Variants in INA observed in about 807,000 individuals in gnomAD.
INA encodes the protein internexin neuronal intermediate filament protein alpha.
In INA, 35 loss-of-function variants were observed where a neutral mutation model predicts 40.1. The observed-to-expected ratio is 0.87, with a 90% CI of 0.67 to 1.16. INA has a LOEUF of 1.16. Ranked by LOEUF, INA falls within the 50% of genes most tolerant of loss-of-function variation. The probability of loss-of-function intolerance (pLI) is 0.00; values close to 1 mark genes in which losing one functional copy is unlikely to be tolerated. For synonymous variants in INA, 290 were observed against 316.9 expected (o/e 0.92, Z 0.90); for missense variants, 594 against 686.7 (o/e 0.87, Z 1.51).
intron 1 of INA, among the ~76,000 whole-genome samples, chr10:103,282,406 CT>C (rs1415449539): frequency 6.6e-6 from 1 of 152,126 alleles, no homozygotes. Flanking sequence ...TTTCAAAATG[CT>C]TTTTTATTTG....
intron 2 of INA, 74 bp downstream of exon 2, chr10:103,287,233 G>A: frequency 6.6e-7 from 1 of 1,509,404 alleles, no homozygotes; most frequent in East Asian, 2.3e-5. Context: ...AGTGGATCTA[G>A]TCTCTCTGGC....
Position 103,278,332 on chromosome 10 carries a change from C to T in INA, c.1065+56C>T. On this transcript the variant is annotated intron_variant, in intron 1 of 2. Transcript: ENST00000369849. This position sits in a 1 kb window ranked among gnomAD's most constrained non-coding sequence, Gnocchi z 4.9. ...TGCCCTGCCCTCTTCCGCGCGTACC[C>T]TCTTCCTCTGGTAAAACTGGGCCCC... 1 of 1,355,084 alleles carries T rather than the reference C, an allele frequency of 7.4e-7. No homozygotes were observed. Among genetic ancestry groups the T allele is most frequent in the Non-Finnish European group, 9.9e-7 (1 of 1,006,360 alleles). 83.9% of individuals were successfully genotyped at this position (1,355,084 alleles called of 1,614,324 possible).
At position 103,277,432 on chromosome 10, in the gene INA, G is replaced by A. The variant is rs1250208191; in HGVS notation, c.221G>A (p.Gly74Glu). The change falls in exon 1 of 3, where the codon GGG becomes GAG. Residue 74 changes from glycine to glutamate, a missense_variant. By Grantham distance (98) the Gly-to-Glu change is moderately conservative. Coordinates refer to ENST00000369849, the MANE Select transcript of INA (RefSeq NM_032727.4). This position sits in a 1 kb window ranked among gnomAD's most constrained non-coding sequence, Gnocchi z 5.6. Reference protein sequence around the residue: ...LAYRRPPASDGLDLSQAAART... With the variant: ...LAYRRPPASDELDLSQAAART... The stretch of plus-strand genomic sequence containing the variant: ...TATCGCCGGCCGCCGGCGTCCGACG[G>A]GCTGGACCTGAGCCAGGCGGCGGCG... 5 of 1,570,372 alleles carry A rather than the reference G, an allele frequency of 3.2e-6. No individual in the cohort carries two copies. Among genetic ancestry groups the A allele is most frequent in the Admixed American group, 1.8e-5 (1 of 55,744 alleles).
intron 1 of INA, chr10:103,280,412 T>C (rs2093070147): frequency 1.0e-6 from 1 of 985,342 alleles, no homozygotes; most frequent in African/African-American, 1.7e-5. Flanking sequence ...ATCTTAGCAG[T>C]GCTGACCAAG....
At position 103,278,111 on chromosome 10, in the gene INA, C is replaced by T. The variant is rs964523911; in HGVS notation, c.900C>T (p.Arg300=). The T allele has an allele frequency of 1.9e-5, 31 of 1,613,098 alleles. No homozygotes were observed. Among genetic ancestry groups the T allele is most frequent in the Admixed American group, 1.2e-4 (7 of 60,004 alleles). ...KFANLNEQAA[R]STEAIRASRE... ...CCAACCTGAACGAGCAGGCGGCGCG[C>T]AGCACCGAGGCCATCCGGGCCAGCC... The change falls in exon 1 of 3, where the codon CGC becomes CGT. Residue 300 remains arginine (R), a synonymous_variant. Transcript: ENST00000369849. This position sits in a 1 kb window ranked among gnomAD's most constrained non-coding sequence, Gnocchi z 4.9.
Position 103,289,927 on chromosome 10 carries a change from T to G in INA, c.*1258T>G, listed in dbSNP as rs2093096194. The stretch of plus-strand genomic sequence containing the variant: ...AACACTTACCCCATGGCTGCACAGT[T>G]GGTGGGGTCCTGCCGGAGAGGAAGA... On this transcript the variant is annotated 3_prime_UTR_variant, in exon 3 of 3. Transcript: ENST00000369849. 1 of 152,650 alleles carries G rather than the reference T, an allele frequency of 6.6e-6. No homozygotes were observed. Among genetic ancestry groups the G allele is most frequent in the South Asian group, 2.1e-4 (1 of 4,828 alleles). The allele number at this position is 152,650 out of a possible 1,614,324, so 9.5% of individuals were successfully genotyped here.
chr10:103,278,303 G>A lies in INA; in HGVS notation c.1065+27G>A. 6.7e-7 allele frequency: 1 copy of A among 1,487,354 alleles called. No homozygotes were observed. The highest frequency in any genetic ancestry group is 1.3e-5 in the South Asian group (1 of 77,214). The allele number at this position is 1,487,354 out of a possible 1,614,324, so 92.1% of individuals were successfully genotyped here. ...TAAGGGCCGGGGCTGGGCGTGGGGA[G>A]GGGTGCCCTGCCCTCTTCCGCGCGT... On this transcript the variant is annotated intron_variant, in intron 1 of 2. Transcript: ENST00000369849. The surrounding 1 kb of genome is among the most constrained non-coding windows in gnomAD (Gnocchi z 4.9).
Position 103,277,574 on chromosome 10 carries a change from G to A in INA, c.363G>A (p.Ala121=), listed in dbSNP as rs1331719816. The A allele has an allele frequency of 6.4e-7, 1 of 1,569,212 alleles. No homozygotes were observed. Among genetic ancestry groups the A allele is most frequent in the Non-Finnish European group, 8.6e-7 (1 of 1,163,876 alleles). ...ATCAGCTGGAGACGCAGAACCGCGC[G>A]TTGGAGGCCGAGCTGGCCGCGCTGC... The part of the protein sequence containing the change: ...KVHQLETQNR[A]LEAELAALRQ... Residue 121 remains alanine, a synonymous_variant, in exon 1 of 3, where the codon GCG becomes GCA. Coordinates refer to ENST00000369849, the MANE Select transcript of INA (RefSeq NM_032727.4). The surrounding 1 kb of genome is among the most constrained non-coding windows in gnomAD (Gnocchi z 5.6).
chr10:103,277,250 C>T lies in INA; in HGVS notation c.39C>T (p.Ser13=), dbSNP rs945125965. 6.3e-7 allele frequency: 1 copy of T among 1,592,012 alleles called. No individual in the cohort carries two copies. The highest frequency in any genetic ancestry group is 1.4e-5 in the African/African-American group (1 of 71,680). The change falls in exon 1 of 3, where the codon TCC becomes TCT. Residue 13 remains serine (S), a synonymous_variant. Coordinates refer to ENST00000369849, the MANE Select transcript of INA (RefSeq NM_032727.4). The surrounding 1 kb of genome is among the most constrained non-coding windows in gnomAD (Gnocchi z 5.6). The stretch of plus-strand genomic sequence containing the variant: ...CGGAGCACTACCTGTGCTCCTCCTC[C>T]TCCTACCGCAAGGTGTTCGGGGATG... The part of the protein sequence containing the change: ...FGSEHYLCSS[S]SYRKVFGDGS...
intron 1 of INA, chr10:103,280,094 T>C (rs149021705): frequency 3.3e-6 from 4 of 1,212,662 alleles, no homozygotes; most frequent in African/African-American, 3.2e-5. Flanking sequence ...AGTGACAGTT[T>C]TGCCTGGCTT....
Position 103,277,908 on chromosome 10 carries a change from G to A in INA, c.697G>A (p.Glu233Lys). The change falls in exon 1 of 3, where the codon GAG becomes AAG. Residue 233 changes from glutamate to lysine, a missense_variant. By Grantham distance (56) the Glu-to-Lys change is moderately conservative (BLOSUM62 1). Around this residue, in one of 2 missense-constraint regions of INA, gnomAD observed 379 missense variants for 496.1 expected, o/e 0.76. Transcript: ENST00000369849. This position sits in a 1 kb window ranked among gnomAD's most constrained non-coding sequence, Gnocchi z 5.6. ...ELAFVRQVHDEEVAELLATLQ... is the reference protein window; with the variant it reads ...ELAFVRQVHDKEVAELLATLQ... ...GGCCTTCGTACGCCAGGTGCACGAC[G>A]AGGAGGTAGCCGAGCTGCTGGCCAC... 6.4e-7 allele frequency: 1 copy of A among 1,550,978 alleles called. No individual in the cohort carries two copies.
rs1378840428 is a variant in INA, at chr10:103,277,547, G to T, written c.336G>T (p.Val112=). ...GCTTCGCCGTGTTCATCGAGAAGGT[G>T]CATCAGCTGGAGACGCAGAACCGCG... is the stretch of plus-strand genomic sequence containing the variant. ...NDRFAVFIEK[V]HQLETQNRAL... is the part of the protein sequence containing the mutation. Residue 112 remains valine, a synonymous_variant, in exon 1 of 3, where the codon GTG becomes GTT. Coordinates refer to ENST00000369849, the MANE Select transcript of INA (RefSeq NM_032727.4). The surrounding 1 kb of genome is among the most constrained non-coding windows in gnomAD (Gnocchi z 5.6). 2.5e-6 allele frequency: 4 copies of T among 1,583,524 alleles called. No individual in the cohort carries two copies. The highest frequency in any genetic ancestry group is 3.4e-6 in the Non-Finnish European group (4 of 1,169,448).
chr10:103,279,291 T>C (rs1163084), intron 1 of INA, among the ~76,000 whole-genome samples: 79,488 of 151,928 alleles, frequency 0.52, 21,107 homozygotes, highest in South Asian at 0.65. Context: ...TTTTTTTCAT[T>C]GTAAGTGCAT....
chr10:103,287,250 C>A, intron 2 of INA, 91 bp downstream of exon 2: 1 of 1,418,534 alleles, frequency 7.0e-7, no homozygotes, highest in Non-Finnish European at 9.5e-7. Flanking sequence ...TGGCTTCTGA[C>A]TGGTGAGGGA....
intron 2 of INA, 97 bp downstream of exon 2, chr10:103,287,256 AG>A: frequency 7.3e-7 from 1 of 1,374,074 alleles, no homozygotes; most frequent in East Asian, 2.4e-5. Flanking sequence ...CTGACTGGTG[AG>A]GGAGGGAAGA....
In INA at chr10:103,288,463, C is replaced by G. The variant is rs369981896; in HGVS notation, c.1294C>G (p.Leu432Val). The G allele has an allele frequency of 1.4e-5, 23 of 1,613,852 alleles. No homozygotes were observed. Among genetic ancestry groups the G allele is most frequent in the Non-Finnish European group, 1.9e-5 (22 of 1,180,006 alleles). ...AAGTTACCTGCTCCCACCTAGAATC[C>G]TCAGTGCTACAACCTCCAAAGTCTC... ...NPSYLLPPRI[L>V]SATTSKVSST... The change falls in exon 3 of 3, where the codon CTC becomes GTC. Residue 432 changes from leucine (L) to valine (V), a missense_variant. By Grantham distance (32) the Leu-to-Val change is conservative (BLOSUM62 1). This residue lies in a region of INA where 379 missense variants were observed against 496.1 expected (regional missense o/e 0.76). Coordinates refer to ENST00000369849, the MANE Select transcript of INA (RefSeq NM_032727.4).
intron 1 of INA, among the ~76,000 whole-genome samples, chr10:103,283,961 A>G (rs1283238663): frequency 6.6e-6 from 1 of 151,806 alleles, no homozygotes; most frequent in African/African-American, 2.4e-5. Context: ...CATGTTGGCC[A>G]GCATAGTCTC....
Position 103,287,147 on chromosome 10 carries a change from T to C in INA, c.1178T>C (p.Ile393Thr), listed in dbSNP as rs1564715994. ...LNVKMALDIE[I>T]AAYRKLLEGE... ...GTCAAAATGGCTCTTGACATTGAGATAGCAGCTTACAGGTACTGCAAAGGA... is the reference window on the plus strand; with the variant it reads ...GTCAAAATGGCTCTTGACATTGAGACAGCAGCTTACAGGTACTGCAAAGGA... The change falls in exon 2 of 3, where the codon ATA becomes ACA. Residue 393 changes from isoleucine to threonine, a missense_variant. By Grantham distance (89) the Ile-to-Thr change is moderately conservative. Transcript: ENST00000369849. The C allele has an allele frequency of 2.5e-6, 4 of 1,613,522 alleles. No homozygotes were observed. Among genetic ancestry groups the C allele is most frequent in the Non-Finnish European group, 3.4e-6 (4 of 1,179,830 alleles).
At position 103,288,783 on chromosome 10, in the gene INA, T is replaced by C. The variant is rs1592045720; in HGVS notation, c.*114T>C. On this transcript the variant is annotated 3_prime_UTR_variant, in exon 3 of 3. Transcript: ENST00000369849. ...CACCACTATAAAATGTCTTCAAGGC[T>C]TCAGTCTCATATTTAGTATTGAATA... 2.9e-6 allele frequency: 2 copies of C among 686,758 alleles called. No homozygotes were observed. Among genetic ancestry groups the C allele is most frequent in the East Asian group, 5.5e-5 (2 of 36,444 alleles). The allele number at this position is 686,758 out of a possible 1,614,324, so 42.5% of individuals were successfully genotyped here.
Sources: gnomAD v4.1 joint callset for allele counts (sites outside exome capture counted in the v4.1 genomes callset) on GRCh38, gnomAD v4.1.1 for gene constraint, gnomAD v4.1.1 regional missense constraint, Gnocchi (gnomAD v3.1) non-coding constraint, MANE v1.5 for transcripts, NCBI Gene and HGNC (gene_info 2026-07-23, HGNC 2026-07-21) for gene names.